Variants in FUBP1 observed in about 807,000 individuals in gnomAD.
The protein encoded by FUBP1 is far upstream element binding protein 1, also known as far upstream element-binding protein 1.
Under a neutral mutation model 94.9 loss-of-function variants are expected in FUBP1, and 16 were observed. That is an observed-to-expected ratio of 0.17 (90% CI 0.11 to 0.26). The LOEUF (loss-of-function observed/expected upper bound fraction) is 0.26, where lower values mean the gene tolerates loss of function less well. FUBP1 is among the 10% of genes least tolerant of loss of function. The pLI is 1.00. For synonymous variants in FUBP1, 279 were observed against 254.9 expected, an observed-to-expected ratio of 1.09 and a Z score of -0.90; for missense variants, 583 against 808.6, an observed-to-expected ratio of 0.72 and a Z score of 3.38.
intron 7 of FUBP1, among the ~76,000 whole-genome samples, chr1:77,965,548 T>C (rs1656311914): frequency 6.6e-6 from 1 of 152,228 alleles, no homozygotes; most frequent in African/African-American, 2.4e-5. Flanking sequence ...AAATGATTTA[T>C]TTACATTTTT....
In FUBP1 at chr1:77,945,723, C is replaced by A. The variant is rs1350001894; in HGVS notation, c.*3043G>T. The A allele has an allele frequency of 4.7e-6, 1 of 213,050 alleles. No homozygotes were observed. Among genetic ancestry groups the A allele is most frequent in the Non-Finnish European group, 9.5e-6 (1 of 105,248 alleles). The allele number at this position is 213,050 out of a possible 1,614,324, so 13.2% of individuals were successfully genotyped here. A position where few individuals can be genotyped will look rare whatever the true frequency, so the allele number is the denominator to read the frequency against. On this transcript the variant is annotated 3_prime_UTR_variant, in exon 20 of 20. Transcript: ENST00000370768. ...AGCAGGAGTTTTAAAAGGATCAGCA[C>A]ATTTTAGAAATCGAATAAACAAAAC...
chr1:77,964,529 A>T, intron 10 of FUBP1, 117 bp downstream of exon 10: 1 of 702,760 alleles, frequency 1.4e-6, no homozygotes, highest in East Asian at 2.6e-5. Context: ...CTGTATTCTA[A>T]AGTATAAAGG....
intron 17 of FUBP1, among the ~76,000 whole-genome samples, chr1:77,955,953 CA>C (rs1315437616): frequency 2.6e-5 from 4 of 152,076 alleles, no homozygotes; most frequent in Non-Finnish European, 5.9e-5. Flanking sequence ...CTGTGCCAGA[CA>C]GTATGGAAGT....
Position 77,949,271 on chromosome 1 carries a change from G to A in FUBP1, c.1810C>T (p.Pro604Ser), listed in dbSNP as rs2102234254. Residue 604 changes from proline (P) to serine (S), a missense_variant, in exon 19 of 20, where the codon CCT becomes TCT. Coordinates refer to ENST00000370768, the MANE Select transcript of FUBP1 (RefSeq NM_003902.5). ...GQAVPAPTGA[P>S]PGGQPDYSAA... ...CTATAATCTGGCTGACCACCTGGAG[G>A]AGCCCCAGTCGGAGCAGGAACTGCC... 1.2e-6 allele frequency: 2 copies of A among 1,613,654 alleles called. No individual in the cohort carries two copies. The highest frequency in any genetic ancestry group is 1.7e-6 in the Non-Finnish European group (2 of 1,179,658).
rs1435456345 is a variant in FUBP1, at chr1:77,948,997, C to CA, written c.1926+157dup. ...AGATGCTGGAAAGCATTATAAAAAA[C>CA]AAAAAAACCCAAACAATACACCGTA... On this transcript the variant is annotated intron_variant, in intron 19 of 19. Transcript: ENST00000370768. 2.8e-5 allele frequency: 26 copies of CA among 921,822 alleles called. 1 individual carries two copies. The highest frequency in any genetic ancestry group is 1.2e-4 in the South Asian group (8 of 66,826). 57.1% of individuals were successfully genotyped at this position (921,822 alleles called of 1,614,324 possible).
intron 18 of FUBP1, among the ~76,000 whole-genome samples, chr1:77,950,911 A>C (rs1479389145): frequency 6.6e-6 from 1 of 152,124 alleles, no homozygotes; most frequent in Non-Finnish European, 1.5e-5. Flanking sequence ...GCCTGAAAAA[A>C]ACCCTCTTTT....
intron 7 of FUBP1, 35 bp downstream of exon 7, chr1:77,966,659 T>C (rs375010674): frequency 1.4e-5 from 14 of 1,024,670 alleles, no homozygotes; most frequent in African/African-American, 1.3e-4. Flanking sequence ...CTGCTGTTGT[T>C]ACTTAAGTAG....
intron 1 of FUBP1, among the ~76,000 whole-genome samples, chr1:77,972,220 G>A (rs116799349): frequency 0.013 from 2,042 of 152,066 alleles, 22 homozygotes; most frequent in Non-Finnish European, 0.019. Context: ...TACACTGCTG[G>A]GTATCGACAG....
chr1:77,972,602 A>AG (rs1365840251), intron 1 of FUBP1, among the ~76,000 whole-genome samples: 4 of 151,270 alleles, frequency 2.6e-5, no homozygotes, highest in Non-Finnish European at 5.9e-5. Flanking sequence ...TACAAAAAAA[A>AG]AAAAAAAAAA....
rs2102454009 is a variant in FUBP1 at position 77,969,949 on chromosome 1, G to C, written c.187C>G (p.Gln63Glu). 5 of 1,558,630 alleles carry C rather than the reference G, an allele frequency of 3.2e-6. No homozygotes were observed. Among genetic ancestry groups the C allele is most frequent in the Non-Finnish European group, 2.6e-6 (3 of 1,140,922 alleles). The part of the protein sequence containing the change: ...LNSNDYGYGG[Q>E]KRPLEDGDQP... ...CCTCCATCTTCTAAAGGTCTTTTTT[G>C]TCCCCCATAACCATAGTCATTTGAA... is the stretch of plus-strand genomic sequence containing the variant. Residue 63 changes from glutamine (Q) to glutamate (E), a missense_variant, in exon 2 of 20, where the codon CAA (glutamine) becomes GAA (glutamate). Gln to Glu is a conservative substitution (Grantham distance 29, BLOSUM62 2). Coordinates refer to ENST00000370768, the MANE Select transcript of FUBP1 (RefSeq NM_003902.5).
chr1:77,963,984 A>T, intron 12 of FUBP1, 78 bp downstream of exon 12: 2 of 882,704 alleles, frequency 2.3e-6, no homozygotes, highest in Non-Finnish European at 3.9e-6. Flanking sequence ...ACTCTGATAT[A>T]GAGGTAACTT....
At chr1:77,976,319 C>T (rs761105843) in intron 1 of FUBP1, among the ~76,000 whole-genome samples, 2 of 152,054 alleles carry the variant, frequency 1.3e-5, no homozygotes, top group Non-Finnish European at 2.9e-5. Flanking sequence ...TAATTCCAGG[C>T]AAAAACTAAA....
chr1:77,959,034 G>A (rs115666687), intron 16 of FUBP1, among the ~76,000 whole-genome samples: 4,127 of 152,248 alleles, frequency 0.027, 148 homozygotes, highest in African/African-American at 0.095. Flanking sequence ...CTCAAGTCAT[G>A]CTTGGTAACT....
At position 77,970,269 on chromosome 1, in the gene FUBP1, T is replaced by A. The variant is rs557081590; in HGVS notation, c.121-254A>T. On this transcript the variant is annotated intron_variant, in intron 1 of 19. Transcript: ENST00000370768. ...CAACAAAGAAGTAATCAACTAGGAA[T>A]CCGGAAGAGAGACCAGATTTAAAGA... 2.6e-5 allele frequency among the ~76,000 whole-genome samples: 4 copies of A among 152,260 alleles called. No homozygotes were observed. In the South Asian group the frequency reaches 6.2e-4, roughly 24 times the overall value.
chr1:77,950,181 G>A (rs1009674394), intron 18 of FUBP1, among the ~76,000 whole-genome samples: 15 of 152,288 alleles, frequency 9.8e-5, no homozygotes, highest in African/African-American at 2.6e-4. Flanking sequence ...TTTATTTTCA[G>A]ACAGGGTCTC....
chr1:77,958,084 G>A (rs1028582656), intron 16 of FUBP1, among the ~76,000 whole-genome samples: 19 of 152,112 alleles, frequency 1.2e-4, no homozygotes, highest in South Asian at 8.3e-4. Context: ...TAGCCATGGC[G>A]TCTGGCCATT....
rs1652066741 is a variant in FUBP1, at chr1:77,945,989, CCTT to C, written c.*2774_*2776del. The C allele has an allele frequency of 9.9e-6, 2 of 201,578 alleles. No individual in the cohort carries two copies. Among genetic ancestry groups the C allele is most frequent in the South Asian group, 1.9e-4 (1 of 5,264 alleles). 12.5% of individuals were successfully genotyped at this position (201,578 alleles called of 1,614,324 possible). A position where few individuals can be genotyped will look rare whatever the true frequency, so the allele number is the denominator to read the frequency against. On this transcript the variant is annotated 3_prime_UTR_variant, in exon 20 of 20. Coordinates refer to ENST00000370768, the MANE Select transcript of FUBP1 (RefSeq NM_003902.5). ...AAAACATACTGCCTTATAACTTTTT[CCTT>C]CTTCAGCATATAACTTTTGTCTAAG... is the stretch of plus-strand genomic sequence containing the variant.
chr1:77,963,713 A>G lies in FUBP1; in HGVS notation c.1044T>C (p.Ala348=), dbSNP rs749859081. The G allele has an allele frequency of 6.2e-7, 1 of 1,602,328 alleles. No individual in the cohort carries two copies. Among genetic ancestry groups the G allele is most frequent in the South Asian group, 1.1e-5 (1 of 88,822 alleles). The change falls in exon 13 of 20, where the codon GCT becomes GCC. Residue 348 remains alanine (A), a splice_region_variant and synonymous_variant. Transcript: ENST00000370768. ...IITDLLRSVQ[A]GNPGGPGPGG... ...CAGGTCCAGGTCCACCAGGATTACCAGCCTATAGAGAGGGAAAGACAAGAA... is the reference window on the plus strand; with the variant it reads ...CAGGTCCAGGTCCACCAGGATTACCGGCCTATAGAGAGGGAAAGACAAGAA...
intron 1 of FUBP1, among the ~76,000 whole-genome samples, chr1:77,973,535 C>T (rs1657998578): frequency 6.6e-6 from 1 of 152,232 alleles, no homozygotes; most frequent in African/African-American, 2.4e-5. Flanking sequence ...CGTAAGCCAC[C>T]ATGCCTGGCT....
Sources: allele counts gnomAD v4.1 joint callset (sites outside exome capture counted in the v4.1 genomes callset), GRCh38; gene constraint gnomAD v4.1.1; transcripts MANE v1.5; gene names NCBI Gene and HGNC (gene_info 2026-07-23, HGNC 2026-07-21).